The following HADH variants were observed in gnomAD, a reference collection of about 807,000 sequenced individuals.
The protein encoded by HADH is hydroxyacyl-coenzyme A dehydrogenase, mitochondrial.
A neutral mutation model predicts 32.2 loss-of-function variants in HADH; 24 were observed. That is an observed-to-expected ratio of 0.75 (90% CI 0.54 to 1.05). The LOEUF (loss-of-function observed/expected upper bound fraction) is 1.05, where lower values mean the gene tolerates loss of function less well. Among genes scored for constraint, HADH ranks in the 50% least tolerant of loss-of-function variants. HADH has a pLI of 0.00. For synonymous variants in HADH, 139 were observed against 152.5 expected (o/e 0.91, Z 0.65); for missense variants, 350 against 397.1 (o/e 0.88, Z 1.01).
At chr4:107,994,309 A>C (rs548500940) in intron 1 of HADH, among the ~76,000 whole-genome samples, 1 of 152,208 alleles carries the variant, frequency 6.6e-6, no homozygotes, top group Non-Finnish European at 1.5e-5. Context: ...GCTATTAAAA[A>C]CAAAGTAAGG....
At chr4:108,006,087 A>G (rs1446499927) in intron 1 of HADH, among the ~76,000 whole-genome samples, 2 of 152,188 alleles carry the variant, frequency 1.3e-5, no homozygotes, top group Non-Finnish European at 2.9e-5. Flanking sequence ...TCAAGAAAGG[A>G]ATTAAGCAAG....
At chr4:107,990,687 G>A (rs1734756046) in intron 1 of HADH, among the ~76,000 whole-genome samples, 1 of 151,120 alleles carries the variant, frequency 6.6e-6, no homozygotes, top group African/African-American at 2.4e-5. Context: ...AAATAGTGCC[G>A]TCTGTGCAGA....
intron 6 of HADH, chr4:108,030,910 G>C (rs919219913): frequency 6.6e-6 from 1 of 152,176 alleles, no homozygotes. Context: ...ACGATCTTTA[G>C]AGTTGGGCTG....
At chr4:108,004,735 A>C in intron 1 of HADH, 4 of 1,534,146 alleles carry the variant, frequency 2.6e-6, no homozygotes, top group Non-Finnish European at 3.5e-6. Flanking sequence ...AGTTAGATGG[A>C]AAAGAGATTT....
Position 108,014,419 on chromosome 4 carries a change from C to A in HADH, c.262-12C>A. 1 of 1,614,068 alleles carries A rather than the reference C, an allele frequency of 6.2e-7. No homozygotes were observed. Among genetic ancestry groups the A allele is most frequent in the East Asian group, 2.2e-5 (1 of 44,886 alleles). On this transcript the variant is annotated splice_polypyrimidine_tract_variant and intron_variant, in intron 2 of 7. Coordinates refer to ENST00000309522, the MANE Select transcript of HADH (RefSeq NM_005327.7). The stretch of plus-strand genomic sequence containing the variant: ...CCCGGTGAATGTTCTCTTCTTCCTC[C>A]CACTGCATTAGGCCGGCGATGAATT...
At chr4:108,022,347 TGAC>T (rs1380300024) in intron 4 of HADH, among the ~76,000 whole-genome samples, 4 of 152,262 alleles carry the variant, frequency 2.6e-5, no homozygotes, top group African/African-American at 9.6e-5. Flanking sequence ...TACTGAGGGC[TGAC>T]TGTGCCGGGC....
chr4:108,007,847 G>T (rs1735340403), intron 1 of HADH, among the ~76,000 whole-genome samples: 1 of 152,192 alleles, frequency 6.6e-6, no homozygotes, highest in Non-Finnish European at 1.5e-5. Flanking sequence ...CATGGGTTGG[G>T]CACTGGGGTT....
Position 108,014,583 on chromosome 4 carries a change from T to C in HADH, c.414T>C (p.Ala138=), listed in dbSNP as rs1735627957. The change falls in exon 3 of 8, where the codon GCT becomes GCC. Residue 138 remains alanine (A), a synonymous_variant. Transcript: ENST00000309522. Reference sequence around the variant, plus strand: ...TCTTCAAAAGGCTGGACAAGTTTGCTGCTGAGTATGTAACCTCTGGACAAT... The same window carrying C: ...TCTTCAAAAGGCTGGACAAGTTTGCCGCTGAGTATGTAACCTCTGGACAAT... ...NELFKRLDKF[A]AEHTIFASNT... 1 of 1,612,476 alleles carries C rather than the reference T, an allele frequency of 6.2e-7. No homozygotes were observed. The highest frequency in any genetic ancestry group is 8.5e-7 in the Non-Finnish European group (1 of 1,178,662).
intron 6 of HADH, chr4:108,032,085 T>A: frequency 2.5e-6 from 1 of 396,934 alleles, no homozygotes; most frequent in East Asian, 3.5e-5. Flanking sequence ...TCTTTATCGA[T>A]GTTTAAGTAG....
intron 4 of HADH, among the ~76,000 whole-genome samples, chr4:108,022,309 A>G (rs1735920838): frequency 6.6e-6 from 1 of 151,588 alleles, no homozygotes; most frequent in Admixed American, 6.6e-5. Context: ...CTTTCCATTT[A>G]CCATTACACA....
rs113166708 is a variant in HADH, at chr4:108,013,019, A to G, written c.262-1412A>G. Among the ~76,000 whole-genome samples, 231 of 152,116 alleles carry G rather than the reference A, an allele frequency of 1.5e-3. 1 individual carries two copies. Among genetic ancestry groups the G allele is most frequent in the African/African-American group, 5.3e-3 (220 of 41,500 alleles). ...GCGATGTCGGCTCACTGCAAGCTCC[A>G]CCTCCCGGGTTCACGCCATTCTCCT... On this transcript the variant is annotated intron_variant, in intron 2 of 7. Transcript: ENST00000309522.
chr4:107,997,413 C>T (rs1041129556), intron 1 of HADH, among the ~76,000 whole-genome samples: 1 of 152,136 alleles, frequency 6.6e-6, no homozygotes, highest in Admixed American at 6.5e-5. Flanking sequence ...AGTTGTGCTT[C>T]GGAGAAAGCT....
intron 6 of HADH, chr4:108,028,611 T>C: frequency 2.7e-6 from 1 of 373,366 alleles, no homozygotes; most frequent in East Asian, 3.8e-5. Flanking sequence ...CTTTTCTCTA[T>C]GGTTTATGGA....
intron 1 of HADH, chr4:108,005,033 T>G (rs1251194010): frequency 4.5e-6 from 3 of 666,806 alleles, no homozygotes; most frequent in Non-Finnish European, 7.3e-6. Context: ...ACTCACCATA[T>G]ATACCTTCTT....
intron 1 of HADH, chr4:108,004,903 G>T: frequency 6.5e-7 from 1 of 1,535,662 alleles, no homozygotes; most frequent in Non-Finnish European, 8.7e-7. Context: ...CAGCTGGGAG[G>T]CTATTGTTAA....
intron 3 of HADH, among the ~76,000 whole-genome samples, 183 bp downstream of exon 3, chr4:108,014,771 A>T (rs1225195136): frequency 6.6e-6 from 1 of 152,086 alleles, no homozygotes; most frequent in Admixed American, 6.5e-5. Flanking sequence ...CACTGTACCC[A>T]ATAGGTAATT....
At chr4:107,990,139 C>A (rs989646020) in intron 1 of HADH, 75 bp downstream of exon 1, 9 of 1,465,346 alleles carry the variant, frequency 6.1e-6, no homozygotes, top group Non-Finnish European at 8.3e-6. Flanking sequence ...CGCGACCGGC[C>A]GCGAGGGGCC....
rs1382505962 is a variant in HADH, at chr4:108,035,073, A to G, written c.*716A>G. On this transcript the variant is annotated 3_prime_UTR_variant, in exon 8 of 8. Transcript: ENST00000309522. ...ATAAATTGACTCTACTAAAATAACA[A>G]TGTTTCAGTCTGAAAATTTGAATTG... 6.6e-6 allele frequency: 1 copy of G among 152,502 alleles called. No homozygotes were observed. Among genetic ancestry groups the G allele is most frequent in the Non-Finnish European group, 1.5e-5 (1 of 68,264 alleles). The allele number at this position is 152,502 out of a possible 1,614,324, so 9.4% of individuals were successfully genotyped here.
intron 5 of HADH, 184 bp downstream of exon 5, chr4:108,023,747 T>C: frequency 1.6e-6 from 1 of 627,484 alleles, no homozygotes; most frequent in Admixed American, 2.3e-5. Context: ...GAAACTGGAC[T>C]CCTAAGCCAT....
Sources: gnomAD v4.1 joint callset for allele counts (sites outside exome capture counted in the v4.1 genomes callset) on GRCh38, gnomAD v4.1.1 for gene constraint, MANE v1.5 for transcripts, NCBI Gene and HGNC (gene_info 2026-07-23, HGNC 2026-07-21) for gene names.